TIAM1: variants seen among roughly 807,000 people sequenced by gnomAD.
The protein encoded by TIAM1 is TIAM Rac1 associated GEF 1.
In TIAM1, 65 loss-of-function variants were observed where a neutral mutation model predicts 163.5. That is an observed-to-expected ratio of 0.40 (90% confidence interval 0.33 to 0.49). The LOEUF (loss-of-function observed/expected upper bound fraction) is 0.49. TIAM1 is among the 20% of genes least tolerant of loss of function. The pLI, the probability that TIAM1 is intolerant of heterozygous loss-of-function variation, is 0.77. For synonymous variants in TIAM1, 833 were observed against 810.1 expected, an observed-to-expected ratio of 1.03 and a Z score of -0.48; for missense variants, 1,789 against 2,044.7, an observed-to-expected ratio of 0.87 and a Z score of 2.41.
chr21:31,546,556 A>AAAAGAAAG (rs58230083), intron 1 of TIAM1, among the ~76,000 whole-genome samples: 4,872 of 143,334 alleles, frequency 0.034, 126 homozygotes, highest in Non-Finnish European at 0.048. Context: ...TCTCAAAAAA[A>AAAAGAAAG]AAAGAAAGAA....
intron 1 of TIAM1, among the ~76,000 whole-genome samples, chr21:31,514,849 C>T (rs759321746): frequency 6.6e-6 from 1 of 152,206 alleles, no homozygotes; most frequent in Non-Finnish European, 1.5e-5. Context: ...TCCTGCAGCC[C>T]GCAGCTGGGT....
intron 2 of TIAM1, among the ~76,000 whole-genome samples, chr21:31,366,916 C>A (rs1214984236): frequency 6.6e-6 from 1 of 152,182 alleles, no homozygotes; most frequent in Non-Finnish European, 1.5e-5. Context: ...CCATGCCCAG[C>A]CTCTTTTTAA....
intron 1 of TIAM1, among the ~76,000 whole-genome samples, chr21:31,509,433 C>T (rs572817450): frequency 6.6e-6 from 1 of 152,366 alleles, no homozygotes; most frequent in Non-Finnish European, 1.5e-5. Flanking sequence ...AGTCACCTGC[C>T]TGGCACAGGC....
intron 10 of TIAM1, 122 bp downstream of exon 10, chr21:31,213,276 A>G: frequency 1.2e-6 from 1 of 811,496 alleles, no homozygotes; most frequent in Non-Finnish European, 1.9e-6. Context: ...AACTTTTAAA[A>G]ACTGATTTCA....
At chr21:31,222,446 AC>A (rs1356386510) in intron 8 of TIAM1, among the ~76,000 whole-genome samples, 2 of 151,976 alleles carry the variant, frequency 1.3e-5, no homozygotes, top group Non-Finnish European at 2.9e-5. Flanking sequence ...ACACAACTAT[AC>A]AATCTGCCGC....
chr21:31,337,739 T>A (rs845942), intron 2 of TIAM1, among the ~76,000 whole-genome samples: 1 of 151,890 alleles, frequency 6.6e-6, no homozygotes, highest in Non-Finnish European at 1.5e-5. Context: ...CCATGTTGGC[T>A]AGACTGGCTC....
chr21:31,375,359 T>C (rs1026495330), intron 2 of TIAM1, among the ~76,000 whole-genome samples: 3 of 152,210 alleles, frequency 2.0e-5, no homozygotes, highest in Non-Finnish European at 2.9e-5. Flanking sequence ...CATGAATATG[T>C]ATATATCTCC....
intron 1 of TIAM1, among the ~76,000 whole-genome samples, chr21:31,341,931 T>G (rs1258630821): frequency 1.3e-5 from 2 of 152,048 alleles, no homozygotes; most frequent in Non-Finnish European, 2.9e-5. Context: ...CCAATAAAAT[T>G]GATAATACAT....
chr21:31,357,319 C>A (rs760946193), intron 2 of TIAM1, among the ~76,000 whole-genome samples: 14 of 152,190 alleles, frequency 9.2e-5, no homozygotes, highest in Non-Finnish European at 1.3e-4. Context: ...AGATTCCCAA[C>A]AATTTCTTCC....
chr21:31,529,396 G>C (rs2047902893), intron 1 of TIAM1, among the ~76,000 whole-genome samples: 2 of 152,078 alleles, frequency 1.3e-5, no homozygotes, highest in African/African-American at 4.8e-5. Flanking sequence ...TGTTACTACT[G>C]TAACAATTAC....
At chr21:31,126,220 T>C (rs1241167391) in intron 26 of TIAM1, among the ~76,000 whole-genome samples, 1 of 152,156 alleles carries the variant, frequency 6.6e-6, no homozygotes, top group Admixed American at 6.5e-5. Context: ...AGTATATTAG[T>C]ACTCACTGTG....
intron 2 of TIAM1, among the ~76,000 whole-genome samples, chr21:31,438,699 A>T (rs1482758683): frequency 6.6e-6 from 1 of 152,120 alleles, no homozygotes; most frequent in African/African-American, 2.4e-5. Flanking sequence ...CTGTTAAGAA[A>T]CCCTCCAAAG....
At chr21:31,558,327 C>A (rs952153222) in intron 1 of TIAM1, among the ~76,000 whole-genome samples, 4 of 152,096 alleles carry the variant, frequency 2.6e-5, no homozygotes, top group Non-Finnish European at 5.9e-5. Context: ...TAATGCCCCC[C>A]TCCGGGGGTT....
At chr21:31,196,793 T>TC (rs2085881473) in intron 12 of TIAM1, among the ~76,000 whole-genome samples, 1 of 152,188 alleles carries the variant, frequency 6.6e-6, no homozygotes, top group Non-Finnish European at 1.5e-5. Context: ...ACGTGCACTG[T>TC]ATGTTCATTG....
intron 20 of TIAM1, among the ~76,000 whole-genome samples, chr21:31,142,158 G>A (rs1276346800): frequency 6.6e-6 from 1 of 152,068 alleles, no homozygotes; most frequent in Non-Finnish European, 1.5e-5. Flanking sequence ...CATGGCATGG[G>A]GTGCCCCTGC....
chr21:31,297,281 T>C (rs1157256706), intron 2 of TIAM1, among the ~76,000 whole-genome samples: 1 of 152,158 alleles, frequency 6.6e-6, no homozygotes, highest in Non-Finnish European at 1.5e-5. Flanking sequence ...TCAAACTCAT[T>C]GAGGCAGAAA....
chr21:31,209,954 C>T, intron 11 of TIAM1, 91 bp downstream of exon 11: 1 of 1,419,612 alleles, frequency 7.0e-7, no homozygotes, highest in Non-Finnish European at 9.5e-7. Context: ...CCTTCCTCTC[C>T]CACACGGCTC....
chr21:31,549,651 AAGAC>A (rs574644577), intron 1 of TIAM1, among the ~76,000 whole-genome samples: 212 of 152,344 alleles, frequency 1.4e-3, no homozygotes, highest in Non-Finnish European at 2.6e-3. Context: ...TATAATCAAA[AAGAC>A]AGACAATAAC....
intron 1 of TIAM1, among the ~76,000 whole-genome samples, chr21:31,513,806 A>G (rs764039240): frequency 1.1e-4 from 16 of 152,052 alleles, no homozygotes; most frequent in Non-Finnish European, 2.1e-4. Flanking sequence ...TCAGGAGTTC[A>G]AGACCAGCCT....
Sources: gnomAD v4.1 joint callset for allele counts (sites outside exome capture counted in the v4.1 genomes callset) on GRCh38, gnomAD v4.1.1 for gene constraint, MANE v1.5 for transcripts, NCBI Gene and HGNC (gene_info 2026-07-23, HGNC 2026-07-21) for gene names.